The following RABGAP1 variants were observed in gnomAD, a reference collection of about 807,000 sequenced individuals.
RABGAP1 encodes rab GTPase-activating protein 1.
A neutral mutation model predicts 137.6 loss-of-function variants in RABGAP1; 23 were observed. The observed-to-expected ratio is 0.17, with a 90% CI of 0.12 to 0.24. The LOEUF is 0.24. RABGAP1 is among the 10% of genes least tolerant of loss of function. The probability of loss-of-function intolerance (pLI) is 1.00; values close to 1 mark genes in which losing one functional copy is unlikely to be tolerated. For missense variants in RABGAP1, 906 were observed against 1,275.8 expected (o/e 0.71, Z 4.42); for synonymous variants, 451 against 450.7 (o/e 1.00, Z -0.01).
At chr9:123,074,136 AGAT>A in intron 16 of RABGAP1, 146 bp from the exon 17 acceptor site, 1 of 875,182 alleles carries the variant, frequency 1.1e-6, no homozygotes, top group Non-Finnish European at 1.7e-6. Context: ...GCTTAATACC[AGAT>A]GATAAGTGTT....
intron 2 of RABGAP1, among the ~76,000 whole-genome samples, chr9:122,971,306 C>G (rs1461784815): frequency 2.6e-5 from 4 of 152,250 alleles, no homozygotes; most frequent in Non-Finnish European, 5.9e-5. Flanking sequence ...CTTGTATGTT[C>G]CTTGATTGAT....
chr9:123,100,360 C>T (rs1158671615), intron 24 of RABGAP1, among the ~76,000 whole-genome samples: 2 of 149,956 alleles, frequency 1.3e-5, no homozygotes, highest in African/African-American at 2.5e-5. Flanking sequence ...CACTGGCCTT[C>T]GTCATAATTA....
intron 12 of RABGAP1, among the ~76,000 whole-genome samples, chr9:123,017,239 T>C (rs1564135357): frequency 6.6e-6 from 1 of 152,206 alleles, no homozygotes; most frequent in Non-Finnish European, 1.5e-5. Context: ...TTTAAAATCA[T>C]GTAGATATAG....
intron 9 of RABGAP1, 97 bp downstream of exon 9, chr9:122,997,458 T>G (rs1474254720): frequency 1.3e-6 from 1 of 754,610 alleles, no homozygotes; most frequent in African/African-American, 1.8e-5. Context: ...AGTGTTTACC[T>G]AATTTTGATG....
chr9:123,007,026 T>C (rs1040215196), intron 10 of RABGAP1, among the ~76,000 whole-genome samples: 1 of 152,178 alleles, frequency 6.6e-6, no homozygotes, highest in Non-Finnish European at 1.5e-5. Flanking sequence ...ATAAACTTTA[T>C]GTTCAACTTG....
chr9:123,053,590 C>T (rs1284506340), intron 13 of RABGAP1, among the ~76,000 whole-genome samples: 2 of 151,984 alleles, frequency 1.3e-5, no homozygotes, highest in African/African-American at 4.8e-5. Flanking sequence ...TTACTTTATT[C>T]CTGTGAAGTA....
At chr9:122,994,577 G>A (rs1183128239) in intron 6 of RABGAP1, among the ~76,000 whole-genome samples, 1 of 152,200 alleles carries the variant, frequency 6.6e-6, no homozygotes, top group Non-Finnish European at 1.5e-5. Flanking sequence ...GTAATAAAGT[G>A]CAGAAGGGCT....
chr9:123,099,547 C>G lies in RABGAP1; in HGVS notation c.2887C>G (p.Arg963Gly), dbSNP rs199744049. ...CAATAAGGTGGAAATTGAGAAAATTCGGGTAAGACTTCTCTTTACCTAAAA... is the reference window on the plus strand; with the variant it reads ...CAATAAGGTGGAAATTGAGAAAATTGGGGTAAGACTTCTCTTTACCTAAAA... Reference protein sequence around the residue: ...TANKVEIEKIRQKVDDCERCR... With the variant: ...TANKVEIEKIGQKVDDCERCR... The change falls in exon 24 of 26, where the codon CGG becomes GGG. Residue 963 changes from arginine (R) to glycine (G), a missense_variant and splice_region_variant. Arg to Gly is a moderately radical substitution (Grantham distance 125). Around this residue, in one of 9 missense-constraint regions of RABGAP1, gnomAD observed 193 missense variants for 248.1 expected, o/e 0.78. Coordinates refer to ENST00000373647, the MANE Select transcript of RABGAP1 (RefSeq NM_012197.4). 1.2e-6 allele frequency: 2 copies of G among 1,605,084 alleles called. No homozygotes were observed. Among genetic ancestry groups the G allele is most frequent in the Non-Finnish European group, 1.7e-6 (2 of 1,171,944 alleles).
chr9:123,032,204 C>G (rs755607220), intron 13 of RABGAP1, among the ~76,000 whole-genome samples: 1 of 152,160 alleles, frequency 6.6e-6, no homozygotes, highest in Non-Finnish European at 1.5e-5. Context: ...TATACCCCCT[C>G]TGTGCTAGGT....
intron 19 of RABGAP1, among the ~76,000 whole-genome samples, chr9:123,078,246 G>GA (rs368552501): frequency 5.5e-5 from 8 of 144,498 alleles, no homozygotes; most frequent in East Asian, 2.0e-4. Context: ...TAGTGGATTA[G>GA]AAAAAAAAAA....
chr9:122,952,049 G>A (rs1333452925), intron 1 of RABGAP1, among the ~76,000 whole-genome samples: 1 of 152,142 alleles, frequency 6.6e-6, no homozygotes, highest in Admixed American at 6.5e-5. Context: ...GTCTCTGTAA[G>A]AATAAAAGTA....
At chr9:122,979,081 A>G (rs1490544210) in intron 2 of RABGAP1, among the ~76,000 whole-genome samples, 2 of 151,856 alleles carry the variant, frequency 1.3e-5, no homozygotes, top group African/African-American at 2.4e-5. Flanking sequence ...AAATTTTTGT[A>G]GAGTCGGGGT....
At position 123,090,403 on chromosome 9, in the gene RABGAP1, G is replaced by A. The variant is rs761342805; in HGVS notation, c.2628+18G>A. 2.4e-5 allele frequency: 38 copies of A among 1,561,294 alleles called. No individual in the cohort carries two copies. In the Admixed American group the frequency reaches 3.0e-4, roughly 12 times the overall value. ...TGGATAACGTAAGTCCAACGGGTCT[G>A]AAGGGAAAGATCTCACTGAGACACT... On this transcript the variant is annotated intron_variant, in intron 21 of 25. Transcript: ENST00000373647.
rs1013940107 is a variant in RABGAP1, at chr9:122,957,093, G to A, written c.34G>A (p.Val12Ile). ...CAAGGCTTCTGTTGGAAAAATCAGT[G>A]TCTCTTCAGACTCAGTATCTACTCT... Reference protein sequence around the residue: ...DDKASVGKISVSSDSVSTLNS... With the variant: ...DDKASVGKISISSDSVSTLNS... The change falls in exon 2 of 26, where the codon GTC becomes ATC. Residue 12 changes from valine (V) to isoleucine (I), a missense_variant. Physicochemically the swap from Val to Ile is conservative, Grantham distance 29. Transcript: ENST00000373647. 2 of 1,528,740 alleles carry A rather than the reference G, an allele frequency of 1.3e-6. No individual in the cohort carries two copies. The highest frequency in any genetic ancestry group is 1.8e-6 in the Non-Finnish European group (2 of 1,121,500). 94.7% of individuals were successfully genotyped at this position (1,528,740 alleles called of 1,614,324 possible).
At position 123,103,117 on chromosome 9, in the gene RABGAP1, C is replaced by G. The variant is rs368716757; in HGVS notation, c.3114C>G (p.Ala1038=). The change falls in exon 26 of 26, where the codon GCC becomes GCG. Residue 1038 remains alanine (A), a synonymous_variant. Coordinates refer to ENST00000373647, the MANE Select transcript of RABGAP1 (RefSeq NM_012197.4). ...ACTTGGAACACCATTTAGGGCTTGCCCTCAATGAGGTGCAGGCAGCCAAGA... is the reference window on the plus strand; with the variant it reads ...ACTTGGAACACCATTTAGGGCTTGCGCTCAATGAGGTGCAGGCAGCCAAGA... The part of the protein sequence containing the change: ...IQDLEHHLGL[A]LNEVQAAKKT... 20 of 1,613,964 alleles carry G rather than the reference C, an allele frequency of 1.2e-5. No individual in the cohort carries two copies. In the African/African-American group the frequency reaches 2.3e-4, roughly 18 times the overall value.
chr9:123,017,313 G>A (rs111962801), intron 12 of RABGAP1, among the ~76,000 whole-genome samples: 3 of 152,068 alleles, frequency 2.0e-5, no homozygotes, highest in African/African-American at 7.2e-5. Flanking sequence ...CTTGGAATTC[G>A]TTTTGTTATC....
chr9:123,074,343 A>G lies in RABGAP1; in HGVS notation c.2168A>G (p.Tyr723Cys), dbSNP rs758194802. ...GATATAAGCCTTGAAGCACACATGT[A>G]TGCCTCCCAGTGGTTTCTTACTCTT... is the stretch of plus-strand genomic sequence containing the variant. ...FLDISLEAHM[Y>C]ASQWFLTLFT... The change falls in exon 17 of 26, where the codon TAT (tyrosine) becomes TGT (cysteine). Residue 723 changes from tyrosine to cysteine, a missense_variant. This residue lies in a region of RABGAP1 where 19 missense variants were observed against 63.0 expected (regional missense o/e 0.30). Coordinates refer to ENST00000373647, the MANE Select transcript of RABGAP1 (RefSeq NM_012197.4). 6.2e-7 allele frequency: 1 copy of G among 1,613,670 alleles called. No individual in the cohort carries two copies. The highest frequency in any genetic ancestry group is 8.5e-7 in the Non-Finnish European group (1 of 1,179,658).
chr9:122,966,979 A>G (rs368011182), intron 2 of RABGAP1, among the ~76,000 whole-genome samples: 6 of 152,096 alleles, frequency 3.9e-5, no homozygotes. Flanking sequence ...TGATTTAATT[A>G]CCTCCCTCCA....
chr9:123,099,336 C>T (rs2035274245), intron 23 of RABGAP1, 142 bp from the exon 24 acceptor site: 3 of 724,608 alleles, frequency 4.1e-6, no homozygotes, highest in Admixed American at 2.6e-5. Flanking sequence ...GCTTATCCAT[C>T]GACTTCATAT....
Sources: gnomAD v4.1 joint callset for allele counts (sites outside exome capture counted in the v4.1 genomes callset) on GRCh38, gnomAD v4.1.1 for gene constraint, gnomAD v4.1.1 regional missense constraint, MANE v1.5 for transcripts, NCBI Gene and HGNC (gene_info 2026-07-23, HGNC 2026-07-21) for gene names.